The following SOX6 variants were observed in gnomAD, a reference collection of about 807,000 sequenced individuals.
SOX6 encodes SRY-box transcription factor 6.
A neutral mutation model predicts 97.8 loss-of-function variants in SOX6; 11 were observed. That is an observed-to-expected ratio of 0.11 (90% CI 0.07 to 0.19). The LOEUF (loss-of-function observed/expected upper bound fraction) is 0.19, where lower values mean the gene tolerates loss of function less well. Ranked by LOEUF, SOX6 falls within the 10% of genes least tolerant of loss-of-function variation. The pLI, the probability that SOX6 is intolerant of heterozygous loss-of-function variation, is 1.00. For synonymous variants in SOX6, 360 were observed against 371.4 expected (o/e 0.97, Z 0.35); for missense variants, 810 against 1,039.5 (o/e 0.78, Z 3.04).
In SOX6 at chr11:16,021,696, C is replaced by T. The variant is rs191545166; in HGVS notation, c.1624-6646G>A. 1.5e-3 allele frequency among the ~76,000 whole-genome samples: 224 copies of T among 152,058 alleles called. 1 individual carries two copies. The highest frequency in any genetic ancestry group is 5.1e-3 in the African/African-American group (213 of 41,486). On this transcript the variant is annotated intron_variant, in intron 12 of 15. Transcript: ENST00000683767. ...TTTTCAGCTAAAGCTATTAATTTGTCTAGTTTCTCATACATTTTTAACACC... is the reference window on the plus strand; with the variant it reads ...TTTTCAGCTAAAGCTATTAATTTGTTTAGTTTCTCATACATTTTTAACACC...
chr11:16,274,389 C>T (rs537366487), intron 3 of SOX6, among the ~76,000 whole-genome samples: 8 of 152,114 alleles, frequency 5.3e-5, no homozygotes, highest in Admixed American at 6.5e-5. Flanking sequence ...CTCACTTATC[C>T]TTCCATTTGT....
In SOX6 at chr11:16,723,264, C is replaced by T. The variant is rs1357860636; in HGVS notation, n.354-8359G>A. Among the ~76,000 whole-genome samples, 3 of 152,100 alleles carry T rather than the reference C, an allele frequency of 2.0e-5. No individual in the cohort carries two copies. In the East Asian group the frequency reaches 5.8e-4, roughly 29 times the overall value. On this transcript the variant is annotated intron_variant and non_coding_transcript_variant, in intron 2 of 5. Coordinates refer to the SOX6 transcript ENST00000524520. ...ACCACATGTTTTCCCTTATAAGAGG[C>T]ATCTAAATGATAAGAACTTATGAAC...
chr11:16,100,200 G>A (rs1848909528), intron 7 of SOX6, among the ~76,000 whole-genome samples: 1 of 151,642 alleles, frequency 6.6e-6, no homozygotes, highest in African/African-American at 2.4e-5. Flanking sequence ...GACTTGGCAA[G>A]GAATCAGTCA....
intron 4 of SOX6, among the ~76,000 whole-genome samples, chr11:16,499,975 C>G (rs1417414520): frequency 6.6e-6 from 1 of 152,134 alleles, no homozygotes; most frequent in Non-Finnish European, 1.5e-5. Context: ...CCAGCATCAT[C>G]CTGATACCAA....
intron 6 of SOX6, among the ~76,000 whole-genome samples, chr11:16,152,548 A>G (rs187074405): frequency 6.2e-4 from 94 of 152,314 alleles, no homozygotes; most frequent in Non-Finnish European, 1.1e-3. Context: ...AACACCCTTT[A>G]CCATTAATAC....
At chr11:16,065,342 C>T (rs1848069294) in intron 9 of SOX6, among the ~76,000 whole-genome samples, 1 of 151,806 alleles carries the variant, frequency 6.6e-6, no homozygotes, top group Admixed American at 6.6e-5. Flanking sequence ...CTATAAAATA[C>T]TGATGAAAGA....
chr11:16,041,127 A>AT (rs1855650686), intron 12 of SOX6, among the ~76,000 whole-genome samples: 4 of 152,086 alleles, frequency 2.6e-5, no homozygotes, highest in Admixed American at 2.6e-4. Context: ...GACAATCCTG[A>AT]TTAATTAGGA....
At chr11:16,023,722 A>G (rs1855136622) in intron 12 of SOX6, among the ~76,000 whole-genome samples, 1 of 152,194 alleles carries the variant, frequency 6.6e-6, no homozygotes. Flanking sequence ...GAATTAATTA[A>G]AAAGGCCAAT....
intron 3 of SOX6, among the ~76,000 whole-genome samples, chr11:16,240,602 G>A (rs577797608): frequency 3.3e-5 from 5 of 151,982 alleles, no homozygotes; most frequent in African/African-American, 1.2e-4. Flanking sequence ...TTCCAAGGCT[G>A]CCTAACACCT....
At chr11:16,701,639 C>G (rs1011337051) in intron 3 of SOX6, among the ~76,000 whole-genome samples, 2 of 151,928 alleles carry the variant, frequency 1.3e-5, no homozygotes, top group African/African-American at 4.8e-5. Context: ...AGGCGGATCA[C>G]AAGGTCAGGA....
chr11:16,007,336 GA>G (rs1382537740), intron 13 of SOX6, among the ~76,000 whole-genome samples: 1 of 152,058 alleles, frequency 6.6e-6, no homozygotes, highest in African/African-American at 2.4e-5. Flanking sequence ...ACAGGGTACA[GA>G]AAAAATATGG....
At chr11:16,541,620 G>A (rs1861410167) in intron 4 of SOX6, among the ~76,000 whole-genome samples, 1 of 151,212 alleles carries the variant, frequency 6.6e-6, no homozygotes, top group African/African-American at 2.4e-5. Flanking sequence ...AAATTTACAA[G>A]AAAAAAAACA....
intron 1 of SOX6, among the ~76,000 whole-genome samples, chr11:16,353,691 G>T (rs552435298): frequency 6.6e-6 from 1 of 152,002 alleles, no homozygotes; most frequent in Non-Finnish European, 1.5e-5. Flanking sequence ...TCATTGCACA[G>T]AATTGTTTGA....
At chr11:16,152,807 G>A (rs1850492262) in intron 6 of SOX6, among the ~76,000 whole-genome samples, 2 of 151,626 alleles carry the variant, frequency 1.3e-5, no homozygotes, top group Admixed American at 6.6e-5. Flanking sequence ...TCGCCCAGGC[G>A]ATTCTCATGC....
intron 1 of SOX6, among the ~76,000 whole-genome samples, chr11:16,392,627 A>G (rs139208388): frequency 1.3e-5 from 2 of 152,260 alleles, no homozygotes; most frequent in East Asian, 3.9e-4. Context: ...TGGAGAAACA[A>G]AATGATTCCT....
intron 4 of SOX6, among the ~76,000 whole-genome samples, chr11:16,572,141 T>C (rs1381685880): frequency 7.7e-6 from 1 of 130,212 alleles, no homozygotes; most frequent in Non-Finnish European, 1.6e-5. Flanking sequence ...TGGTATACTT[T>C]GCTTATAATC....
chr11:16,680,340 T>C (rs995599250), intron 3 of SOX6, among the ~76,000 whole-genome samples: 8 of 152,178 alleles, frequency 5.3e-5, no homozygotes, highest in Non-Finnish European at 1.2e-4. Context: ...AACCCAGAAT[T>C]TCATATCCAG....
At chr11:16,069,742 A>G (rs1265531095) in intron 9 of SOX6, among the ~76,000 whole-genome samples, 1 of 152,180 alleles carries the variant, frequency 6.6e-6, no homozygotes, top group Non-Finnish European at 1.5e-5. Flanking sequence ...ACTTCTGCCA[A>G]TTGCCTTTTC....
At chr11:16,392,568 G>C (rs1028623724) in intron 1 of SOX6, among the ~76,000 whole-genome samples, 2 of 152,040 alleles carry the variant, frequency 1.3e-5, no homozygotes, top group African/African-American at 4.8e-5. Flanking sequence ...TTTAAAACCT[G>C]TTCTTCCAAA....
Sources: gnomAD v4.1 joint callset for allele counts (sites outside exome capture counted in the v4.1 genomes callset) on GRCh38, gnomAD v4.1.1 for gene constraint, MANE v1.5 for transcripts, NCBI Gene and HGNC (gene_info 2026-07-23, HGNC 2026-07-21) for gene names.